Variants in IGF1R observed in about 807,000 individuals in gnomAD.
IGF1R encodes insulin-like growth factor 1 receptor.
A neutral mutation model predicts 144.6 loss-of-function variants in IGF1R; 44 were observed. The observed-to-expected ratio is 0.30, with a 90% CI of 0.24 to 0.39. IGF1R has a LOEUF of 0.39. IGF1R is among the 10% of genes least tolerant of loss of function. The probability of loss-of-function intolerance (pLI) is 1.00; values close to 1 mark genes in which losing one functional copy is unlikely to be tolerated. For synonymous variants in IGF1R, 795 were observed against 722.8 expected, an observed-to-expected ratio of 1.10 and a Z score of -1.60; for missense variants, 1,355 against 1,833.7, an observed-to-expected ratio of 0.74 and a Z score of 4.77.
chr15:98,934,322 G>A (rs1449128797), intron 15 of IGF1R, among the ~76,000 whole-genome samples: 1 of 152,022 alleles, frequency 6.6e-6, no homozygotes, highest in Admixed American at 6.6e-5. Flanking sequence ...CCTCTCATAT[G>A]TGACTCTGGC....
At chr15:98,711,838 A>G (rs1372736444) in intron 2 of IGF1R, among the ~76,000 whole-genome samples, 1 of 152,108 alleles carries the variant, frequency 6.6e-6, no homozygotes, top group African/African-American at 2.4e-5. Context: ...AATACTGCTC[A>G]CAGTTCTGGA....
At chr15:98,709,971 C>A (rs940235666) in intron 2 of IGF1R, among the ~76,000 whole-genome samples, 1 of 152,102 alleles carries the variant, frequency 6.6e-6, no homozygotes, top group African/African-American at 2.4e-5. Context: ...ATTCTGGGTC[C>A]AAGTCTAAGA....
chr15:98,767,527 A>T (rs2055464334), intron 2 of IGF1R, among the ~76,000 whole-genome samples: 1 of 152,210 alleles, frequency 6.6e-6, no homozygotes, highest in Non-Finnish European at 1.5e-5. Context: ...AAGCTTCTTT[A>T]AAAAAATGAT....
intron 2 of IGF1R, among the ~76,000 whole-genome samples, chr15:98,748,389 G>T (rs938159935): frequency 6.6e-6 from 1 of 152,070 alleles, no homozygotes; most frequent in Non-Finnish European, 1.5e-5. Context: ...TGCCCAGGCT[G>T]GTCTCAAACT....
intron 1 of IGF1R, among the ~76,000 whole-genome samples, chr15:98,667,543 C>T (rs563110207): frequency 6.6e-6 from 1 of 152,308 alleles, no homozygotes; most frequent in South Asian, 2.1e-4. Context: ...GCCAGGTCCG[C>T]CTGTCTGCCT....
At chr15:98,888,881 A>G (rs1157278325) in intron 2 of IGF1R, among the ~76,000 whole-genome samples, 1 of 152,186 alleles carries the variant, frequency 6.6e-6, no homozygotes, top group Non-Finnish European at 1.5e-5. Flanking sequence ...ATAAGGGACT[A>G]AGTTCCTTTT....
rs199531568 is a variant in IGF1R, at chr15:98,939,151, GA to G, written c.3298-40del. 1.3e-3 allele frequency: 1,906 copies of G among 1,427,374 alleles called. 1 individual carries two copies. The highest frequency in any genetic ancestry group is 1.5e-3 in the Non-Finnish European group (1,591 of 1,027,042). 88.4% of individuals were successfully genotyped at this position (1,427,374 alleles called of 1,614,324 possible). On this transcript the variant is annotated intron_variant, in intron 17 of 20. Coordinates refer to ENST00000650285, the MANE Select transcript of IGF1R (RefSeq NM_000875.5). ...GCAAACCTCGAAAGAAATTGGCATG[GA>G]AAAAAAAAATCCAAAATTCTCATGT...
At chr15:98,651,584 C>T (rs13380208) in intron 1 of IGF1R, among the ~76,000 whole-genome samples, 5,480 of 152,294 alleles carry the variant, frequency 0.036, 323 homozygotes, top group African/African-American at 0.12. Flanking sequence ...TTCAAAACAG[C>T]AGGGATGGCC....
intron 10 of IGF1R, among the ~76,000 whole-genome samples, 188 bp from the exon 11 acceptor site, chr15:98,921,960 A>G (rs1391176429): frequency 6.6e-6 from 1 of 152,148 alleles, no homozygotes; most frequent in Non-Finnish European, 1.5e-5. Context: ...CCATTCTGAC[A>G]CTTGCAGAGT....
chr15:98,884,789 T>C (rs1318479666), intron 2 of IGF1R, among the ~76,000 whole-genome samples: 3 of 152,140 alleles, frequency 2.0e-5, no homozygotes, highest in Admixed American at 6.5e-5. Flanking sequence ...CCTCTTGATC[T>C]GGGCTACTGA....
At chr15:98,712,661 T>G (rs2054020335) in intron 2 of IGF1R, among the ~76,000 whole-genome samples, 1 of 150,500 alleles carries the variant, frequency 6.6e-6, no homozygotes, top group Non-Finnish European at 1.5e-5. Context: ...CAGGCTGGAG[T>G]GCAGTGGTGC....
chr15:98,925,768 G>A (rs147413186), intron 13 of IGF1R, among the ~76,000 whole-genome samples: 2 of 152,332 alleles, frequency 1.3e-5, no homozygotes, highest in East Asian at 3.9e-4. Context: ...GTTGGGGGTG[G>A]TGGTACACGC....
intron 2 of IGF1R, among the ~76,000 whole-genome samples, chr15:98,856,251 C>G (rs941451148): frequency 1.8e-4 from 27 of 152,352 alleles, no homozygotes; most frequent in African/African-American, 6.3e-4. Flanking sequence ...TAGACGAGGA[C>G]AATCGTAGCC....
intron 1 of IGF1R, among the ~76,000 whole-genome samples, chr15:98,692,674 A>G (rs988044251): frequency 5.3e-5 from 8 of 152,186 alleles, no homozygotes; most frequent in Non-Finnish European, 8.8e-5. Context: ...ATAGGGGTCT[A>G]CCCTTAAGGA....
chr15:98,871,654 CA>C (rs2012792660), intron 2 of IGF1R, among the ~76,000 whole-genome samples: 2 of 152,242 alleles, frequency 1.3e-5, no homozygotes, highest in African/African-American at 4.8e-5. Flanking sequence ...GTACATCTCA[CA>C]TGGCAGCAGC....
intron 5 of IGF1R, among the ~76,000 whole-genome samples, chr15:98,905,680 A>G (rs551913810): frequency 6.6e-6 from 1 of 152,250 alleles, no homozygotes; most frequent in Admixed American, 6.5e-5. Flanking sequence ...AAAAAAAAAA[A>G]AAAACCTAAT....
In IGF1R at chr15:98,873,516, C is replaced by T. The variant is rs563750521; in HGVS notation, c.641-17809C>T. On this transcript the variant is annotated intron_variant, in intron 2 of 20. Coordinates refer to ENST00000650285, the MANE Select transcript of IGF1R (RefSeq NM_000875.5). ...ATTCTGCAGAGGGCAGTCATGTGTC[C>T]GCTGTGCCTCTGCTCCTGTGTGCAC... 1.8e-4 allele frequency among the ~76,000 whole-genome samples: 28 copies of T among 152,294 alleles called. No homozygotes were observed. The South Asian group carries it at 5.0e-3, about 27-fold the overall frequency.
chr15:98,825,425 C>T (rs933179066), intron 2 of IGF1R, among the ~76,000 whole-genome samples: 1 of 152,228 alleles, frequency 6.6e-6, no homozygotes, highest in Non-Finnish European at 1.5e-5. Flanking sequence ...AGTCCCGGTC[C>T]ATGGCCTGTT....
rs150692640 is a variant in IGF1R at position 98,750,102 on chromosome 15, TTTTGTCA to T, written c.640+41998_640+42004del. 3.2e-3 allele frequency among the ~76,000 whole-genome samples: 489 copies of T among 152,332 alleles called. 2 individuals carry two copies. Among genetic ancestry groups the T allele is most frequent in the African/African-American group, 0.011 (470 of 41,566 alleles). ...TCCAGTGAAAGTTCTTACCTTTCTC[TTTTGTCA>T]TTCTCAACCTCTTACCTGAAGAGTC... On this transcript the variant is annotated intron_variant, in intron 2 of 20. Transcript: ENST00000650285.
Sources: allele counts gnomAD v4.1 joint callset (sites outside exome capture counted in the v4.1 genomes callset), GRCh38; gene constraint gnomAD v4.1.1; transcripts MANE v1.5; gene names NCBI Gene and HGNC (gene_info 2026-07-23, HGNC 2026-07-21).